GJC1: variants seen among roughly 807,000 people sequenced by gnomAD.
GJC1 encodes gap junction protein gamma 1.
Under a neutral mutation model 29.3 loss-of-function variants are expected in GJC1, and 5 were observed. The observed-to-expected ratio is 0.17, with a 90% CI of 0.09 to 0.36. The LOEUF is 0.36. GJC1 is among the 10% of genes least tolerant of loss of function. The pLI, the probability that GJC1 is intolerant of heterozygous loss-of-function variation, is 1.00. For missense variants in GJC1, 310 were observed against 496.2 expected (o/e 0.62, Z 3.56); for synonymous variants, 177 against 183.3 (o/e 0.97, Z 0.28).
chr17:44,824,891 C>A (rs1351696822), intron 1 of GJC1, among the ~76,000 whole-genome samples: 14 of 104,612 alleles, frequency 1.3e-4, no homozygotes, highest in African/African-American at 1.8e-4. Context: ...TTTTTTTAAT[C>A]AAGTGCTTAT....
downstream of GJC1, among the ~76,000 whole-genome samples, chr17:44,795,646 C>T (rs1457802819): frequency 6.6e-6 from 1 of 152,224 alleles, no homozygotes. Context: ...CCTCAAACTT[C>T]TAGGTGAGCA....
intron 1 of GJC1, among the ~76,000 whole-genome samples, chr17:44,809,990 C>A (rs2049957500): frequency 6.6e-6 from 1 of 152,092 alleles, no homozygotes; most frequent in African/African-American, 2.4e-5. Flanking sequence ...TCCCGAGCAG[C>A]TGGGACAACA....
chr17:44,811,075 ATTTC>A (rs1360987239), intron 1 of GJC1, among the ~76,000 whole-genome samples: 9 of 146,736 alleles, frequency 6.1e-5, no homozygotes, highest in African/African-American at 2.3e-4. Flanking sequence ...AGCCAATATA[ATTTC>A]TTTCTTTTTT....
Position 44,805,339 on chromosome 17 carries a change from G to C in GJC1, c.479C>G (p.Pro160Arg). ...KENKEQSQPK[P>R]KHDGRRRIRE... Reference sequence around the variant, plus strand: ...AATCCGTCGTCGGCCATCATGCTTAGGTTTGGGTTGGCTCTGCTCTTTATT... The same window carrying C: ...AATCCGTCGTCGGCCATCATGCTTACGTTTGGGTTGGCTCTGCTCTTTATT... The change falls in exon 3 of 3, where the codon CCT (proline) becomes CGT (arginine). Residue 160 changes from proline (P) to arginine (R), a missense_variant. Transcript: ENST00000592524. This position sits in a 1 kb window ranked among gnomAD's most constrained non-coding sequence, Gnocchi z 5.1. The C allele has an allele frequency of 1.9e-6, 3 of 1,614,204 alleles. No individual in the cohort carries two copies. Among genetic ancestry groups the C allele is most frequent in the Non-Finnish European group, 1.7e-6 (2 of 1,180,030 alleles).
At chr17:44,819,656 T>A (rs2050085130) in intron 1 of GJC1, among the ~76,000 whole-genome samples, 1 of 132,666 alleles carries the variant, frequency 7.5e-6, no homozygotes. Context: ...AGACTCCGTC[T>A]CAAAAATAAA....
intron 1 of GJC1, among the ~76,000 whole-genome samples, chr17:44,827,310 G>A (rs781132347): frequency 9.9e-5 from 15 of 151,798 alleles, no homozygotes; most frequent in Non-Finnish European, 2.2e-4. Context: ...CTCCAGCCTG[G>A]GCAATAAGAG....
At chr17:44,823,978 T>C (rs1390629270) in intron 1 of GJC1, among the ~76,000 whole-genome samples, 2 of 151,740 alleles carry the variant, frequency 1.3e-5, no homozygotes, top group Non-Finnish European at 2.9e-5. Flanking sequence ...CCCAAAGTGA[T>C]GGGATTACAA....
chr17:44,824,582 T>C (rs1191083835), intron 1 of GJC1, among the ~76,000 whole-genome samples: 1 of 152,072 alleles, frequency 6.6e-6, no homozygotes, highest in Non-Finnish European at 1.5e-5. Flanking sequence ...GGAGTACATG[T>C]GTGCCACTGC....
chr17:44,813,484 C>CTTTTT (rs35299072), intron 1 of GJC1, among the ~76,000 whole-genome samples: 22 of 80,534 alleles, frequency 2.7e-4, no homozygotes, highest in East Asian at 7.8e-4. Flanking sequence ...TTCCAAGTTA[C>CTTTTT]TTTTTTTTTT....
chr17:44,819,006 CCCT>C (rs1597755206), intron 1 of GJC1, among the ~76,000 whole-genome samples: 1 of 152,026 alleles, frequency 6.6e-6, no homozygotes, highest in African/African-American at 2.4e-5. Context: ...CTAAAAACCC[CCCT>C]CATTAACTTG....
chr17:44,808,465 C>A (rs2049937099), intron 1 of GJC1, among the ~76,000 whole-genome samples: 1 of 135,852 alleles, frequency 7.4e-6, no homozygotes, highest in South Asian at 2.2e-4. Flanking sequence ...ACACACACGG[C>A]CCAGCACAGT....
intron 1 of GJC1, among the ~76,000 whole-genome samples, chr17:44,812,611 A>G (rs933326746): frequency 2.0e-5 from 3 of 152,012 alleles, no homozygotes; most frequent in Non-Finnish European, 4.4e-5. Flanking sequence ...CTCTTTCCAA[A>G]TAACACTAAT....
At chr17:44,818,204 ACT>A (rs980471285) in intron 1 of GJC1, among the ~76,000 whole-genome samples, 7 of 152,046 alleles carry the variant, frequency 4.6e-5, no homozygotes, top group African/African-American at 1.7e-4. Flanking sequence ...CAAGAGCGAA[ACT>A]CTGTCTCAAA....
At chr17:44,827,920 T>C (rs897575721) in intron 1 of GJC1, among the ~76,000 whole-genome samples, 4 of 152,070 alleles carry the variant, frequency 2.6e-5, no homozygotes, top group Admixed American at 1.3e-4. Context: ...TTTTGAAATG[T>C]GAACATACAA....
At chr17:44,821,359 C>T (rs1283758188) in intron 1 of GJC1, among the ~76,000 whole-genome samples, 1 of 152,010 alleles carries the variant, frequency 6.6e-6, no homozygotes, top group Admixed American at 6.6e-5. Flanking sequence ...TATGATTTTC[C>T]AATATGACTA....
At chr17:44,806,331 C>T (rs1470014114) in intron 2 of GJC1, among the ~76,000 whole-genome samples, 1 of 151,912 alleles carries the variant, frequency 6.6e-6, no homozygotes, top group Non-Finnish European at 1.5e-5. Flanking sequence ...TTCATATCTC[C>T]TCTGGTTTAA....
intron 1 of GJC1, among the ~76,000 whole-genome samples, chr17:44,813,584 C>A (rs2050009572): frequency 6.7e-6 from 1 of 150,348 alleles, no homozygotes; most frequent in Non-Finnish European, 1.5e-5. Flanking sequence ...CCTCCATCTC[C>A]CGGGTTCAAG....
In GJC1 at chr17:44,802,553, TG is replaced by T. The variant is rs1225796307; in HGVS notation, c.*2073del. 1.3e-5 allele frequency: 2 copies of T among 152,236 alleles called. No individual in the cohort carries two copies. Among genetic ancestry groups the T allele is most frequent in the Non-Finnish European group, 2.9e-5 (2 of 68,046 alleles). 9.4% of individuals were successfully genotyped at this position (152,236 alleles called of 1,614,324 possible). ...CTATTAATTACCCATGAGGTACATGTGTATTTCTGAAATTTCTCCTTCAGTC... is the reference window on the plus strand; with the variant it reads ...CTATTAATTACCCATGAGGTACATGTTATTTCTGAAATTTCTCCTTCAGTC... On this transcript the variant is annotated 3_prime_UTR_variant, in exon 3 of 3. Coordinates refer to ENST00000592524, the MANE Select transcript of GJC1 (RefSeq NM_005497.4).
rs745830109 is a variant in GJC1, at chr17:44,804,590, T to A, written c.*37A>T. The A allele has an allele frequency of 3.4e-5, 50 of 1,471,200 alleles. No individual in the cohort carries two copies. The highest frequency in any genetic ancestry group is 4.4e-5 in the Non-Finnish European group (47 of 1,067,014). The allele number at this position is 1,471,200 out of a possible 1,614,324, so 91.1% of individuals were successfully genotyped here. ...TTATTCAGTGAGCTGCTGCTTACCA[T>A]AAACTATGAAAAGCACAGGTTTTAA... On this transcript the variant is annotated 3_prime_UTR_variant, in exon 3 of 3. Coordinates refer to ENST00000592524, the MANE Select transcript of GJC1 (RefSeq NM_005497.4).
Sources: allele counts gnomAD v4.1 joint callset (sites outside exome capture counted in the v4.1 genomes callset), GRCh38; gene constraint gnomAD v4.1.1; non-coding constraint Gnocchi (gnomAD v3.1); transcripts MANE v1.5; gene names NCBI Gene and HGNC (gene_info 2026-07-23, HGNC 2026-07-21).